LRRC4C: variants seen among roughly 807,000 people sequenced by gnomAD.
LRRC4C encodes leucine rich repeat containing 4C, also known as leucine-rich repeat-containing protein 4C.
In LRRC4C, 5 loss-of-function variants were observed where a neutral mutation model predicts 33.6. That is an observed-to-expected ratio of 0.15 (90% CI 0.08 to 0.31). The LOEUF is 0.31. Ranked by LOEUF, LRRC4C falls within the 10% of genes least tolerant of loss-of-function variation. LRRC4C has a pLI of 1.00. For missense variants in LRRC4C, 560 were observed against 796.7 expected, an observed-to-expected ratio of 0.70 and a Z score of 3.58; for synonymous variants, 329 against 302.0, an observed-to-expected ratio of 1.09 and a Z score of -0.93.
intron 4 of LRRC4C, among the ~76,000 whole-genome samples, chr11:40,316,928 TC>T (rs749433400): frequency 1.8e-3 from 80 of 44,628 alleles, no homozygotes; most frequent in Non-Finnish European, 1.9e-3. Flanking sequence ...AAAATTTAGT[TC>T]CCTAATATGC....
chr11:40,674,823 T>G (rs558920919), intron 2 of LRRC4C, among the ~76,000 whole-genome samples: 2 of 152,184 alleles, frequency 1.3e-5, no homozygotes, highest in Non-Finnish European at 2.9e-5. Flanking sequence ...CCCTTTTAAT[T>G]TCTATCAAAA....
intron 1 of LRRC4C, among the ~76,000 whole-genome samples, chr11:41,191,014 G>T (rs1298674755): frequency 6.6e-6 from 1 of 152,112 alleles, no homozygotes; most frequent in Admixed American, 6.5e-5. Context: ...ATTTCTAATT[G>T]ATTACAGTAA....
At chr11:40,821,212 G>A (rs958829529) in intron 2 of LRRC4C, among the ~76,000 whole-genome samples, 30 of 151,562 alleles carry the variant, frequency 2.0e-4, no homozygotes, top group African/African-American at 6.5e-4. Flanking sequence ...ATTTTAAAAT[G>A]GCAATTCTCA....
At chr11:40,472,015 G>T (rs1952964096) in intron 3 of LRRC4C, among the ~76,000 whole-genome samples, 1 of 152,106 alleles carries the variant, frequency 6.6e-6, no homozygotes, top group South Asian at 2.1e-4. Flanking sequence ...CTCACTCGAG[G>T]CCGGGCAAGG....
At chr11:40,466,171 C>G (rs1162035067) in intron 3 of LRRC4C, among the ~76,000 whole-genome samples, 3 of 151,992 alleles carry the variant, frequency 2.0e-5, no homozygotes, top group African/African-American at 7.2e-5. Context: ...AACAGAAAGT[C>G]AAATACCACA....
intron 1 of LRRC4C, among the ~76,000 whole-genome samples, chr11:41,116,496 T>C (rs1476378917): frequency 6.6e-6 from 1 of 152,160 alleles, no homozygotes; most frequent in Non-Finnish European, 1.5e-5. Flanking sequence ...GTAGTATTGT[T>C]GCAGGAAGGC....
At position 40,452,250 on chromosome 11, in the gene LRRC4C, A is replaced by C. The variant is rs537284821; in HGVS notation, c.-269-132529T>G. 2.0e-5 allele frequency among the ~76,000 whole-genome samples: 3 copies of C among 152,334 alleles called. No individual in the cohort carries two copies. In the South Asian group the frequency reaches 6.2e-4, roughly 32 times the overall value. On this transcript the variant is annotated intron_variant, in intron 3 of 6. Coordinates refer to ENST00000528697, the MANE Select transcript of LRRC4C (RefSeq NM_001258419.2). ...CCATCAGAGTGAACAGGCAACCTAC[A>C]GAATGGGAGAAAATTTTTGCAGTCT...
chr11:40,685,640 A>G (rs772512136), intron 2 of LRRC4C, among the ~76,000 whole-genome samples: 8 of 152,026 alleles, frequency 5.3e-5, no homozygotes, highest in Non-Finnish European at 1.0e-4. Flanking sequence ...ACAAAAGTGA[A>G]TAGTTAATGA....
At chr11:40,640,830 C>T (rs1465931782) in intron 3 of LRRC4C, among the ~76,000 whole-genome samples, 2 of 151,826 alleles carry the variant, frequency 1.3e-5, no homozygotes, top group African/African-American at 4.8e-5. Flanking sequence ...TCTTGGATAA[C>T]ACGGTGAAAA....
chr11:40,544,917 TA>T (rs1322138413), intron 3 of LRRC4C, among the ~76,000 whole-genome samples: 1 of 152,068 alleles, frequency 6.6e-6, no homozygotes, highest in African/African-American at 2.4e-5. Context: ...TAATCTCATC[TA>T]ATAGCCTGTA....
intron 1 of LRRC4C, among the ~76,000 whole-genome samples, chr11:41,310,375 G>A (rs953860867): frequency 5.9e-5 from 9 of 152,156 alleles, no homozygotes; most frequent in African/African-American, 9.7e-5. Flanking sequence ...TCTCTTTCTG[G>A]AGAGAAATTA....
At chr11:40,284,588 T>C (rs1348782949) in intron 4 of LRRC4C, among the ~76,000 whole-genome samples, 1 of 152,146 alleles carries the variant, frequency 6.6e-6, no homozygotes, top group Non-Finnish European at 1.5e-5. Flanking sequence ...ATTGGCATTA[T>C]CAGAAAGACT....
At chr11:41,453,300 T>C (rs900874033) in intron 1 of LRRC4C, among the ~76,000 whole-genome samples, 3 of 152,248 alleles carry the variant, frequency 2.0e-5, no homozygotes, top group East Asian at 1.9e-4. Context: ...CCTCAACTTA[T>C]GGATTCTGCC....
At chr11:40,282,561 G>C (rs1943551611) in intron 4 of LRRC4C, among the ~76,000 whole-genome samples, 1 of 151,808 alleles carries the variant, frequency 6.6e-6, no homozygotes, top group Non-Finnish European at 1.5e-5. Context: ...GCTATTATTA[G>C]AGATTAATAA....
chr11:40,297,731 C>G (rs1424293446), intron 4 of LRRC4C, among the ~76,000 whole-genome samples: 1 of 152,006 alleles, frequency 6.6e-6, no homozygotes, highest in Non-Finnish European at 1.5e-5. Flanking sequence ...CTTGCGAGTG[C>G]CAAGCCTGTC....
chr11:40,274,424 T>TACACACACACACACACACAC lies in LRRC4C; in HGVS notation c.-175-32846_-175-32827dup, dbSNP rs56027023. Among the ~76,000 whole-genome samples the TACACACACACACACACACAC allele has an allele frequency of 5.8e-5, 8 of 138,948 alleles. No individual in the cohort carries two copies. The East Asian group carries it at 6.8e-4, about 12-fold the overall frequency. The allele number at this position is 138,948 out of a possible 152,430, so 91.2% of individuals were successfully genotyped here. On this transcript the variant is annotated intron_variant, in intron 4 of 6. Transcript: ENST00000528697. ...TTACCCTGCGGAATAGACACACACA[T>TACACACACACACACACACAC]ACACACACACACACACACACACACA...
At chr11:40,727,511 A>G (rs1947342071) in intron 2 of LRRC4C, among the ~76,000 whole-genome samples, 1 of 152,126 alleles carries the variant, frequency 6.6e-6, no homozygotes, top group South Asian at 2.1e-4. Flanking sequence ...ACCTGAGCAA[A>G]GCATTTATAA....
chr11:40,853,556 T>C (rs1420485434), intron 2 of LRRC4C, among the ~76,000 whole-genome samples: 2 of 151,920 alleles, frequency 1.3e-5, no homozygotes, highest in African/African-American at 4.8e-5. Flanking sequence ...TTCAGGTATA[T>C]GCAAAACGAT....
At chr11:40,217,116 G>A (rs1022275479) in intron 5 of LRRC4C, among the ~76,000 whole-genome samples, 3 of 152,056 alleles carry the variant, frequency 2.0e-5, no homozygotes, top group Admixed American at 1.3e-4. Context: ...AAGCTACATG[G>A]AATTAACAAT....
Sources: allele counts gnomAD v4.1 joint callset (sites outside exome capture counted in the v4.1 genomes callset), GRCh38; gene constraint gnomAD v4.1.1; transcripts MANE v1.5; gene names NCBI Gene and HGNC (gene_info 2026-07-23, HGNC 2026-07-21).